JAKMIP2: variants seen among roughly 807,000 people sequenced by gnomAD.
The protein encoded by JAKMIP2 is janus kinase and microtubule interacting protein 2, also known as janus kinase and microtubule-interacting protein 2.
A neutral mutation model predicts 115.0 loss-of-function variants in JAKMIP2; 25 were observed. The observed-to-expected ratio is 0.22, with a 90% CI of 0.16 to 0.30. The LOEUF (loss-of-function observed/expected upper bound fraction) is 0.30. JAKMIP2 is among the 10% of genes least tolerant of loss of function. The pLI is 1.00. For missense variants in JAKMIP2, 642 were observed against 957.6 expected, an observed-to-expected ratio of 0.67 and a Z score of 4.35; for synonymous variants, 334 against 343.6, an observed-to-expected ratio of 0.97 and a Z score of 0.31.
At chr5:147,755,261 G>A (rs759988890) in intron 1 of JAKMIP2, among the ~76,000 whole-genome samples, 1 of 152,122 alleles carries the variant, frequency 6.6e-6, no homozygotes, top group Non-Finnish European at 1.5e-5. Context: ...AGATTAGGAT[G>A]TCCCCCCTTT....
intron 3 of JAKMIP2, among the ~76,000 whole-genome samples, chr5:147,651,050 A>G (rs1188845001): frequency 2.0e-5 from 3 of 152,012 alleles, no homozygotes; most frequent in African/African-American, 7.2e-5. Context: ...TTTTTCCAAG[A>G]CTAACATGCT....
In JAKMIP2 at chr5:147,687,913, T is replaced by C. The variant is rs990994074; in HGVS notation, c.-148-15959A>G. Among the ~76,000 whole-genome samples, 6 of 152,192 alleles carry C rather than the reference T, an allele frequency of 3.9e-5. No homozygotes were observed. In the East Asian group the frequency reaches 9.6e-4, roughly 24 times the overall value. On this transcript the variant is annotated intron_variant, in intron 1 of 21. Transcript: ENST00000616793. ...AATGAAGACTTTTAAATTTGCCCAATGTCATGCAACTTGTATGCGTAGGAC... is the reference window on the plus strand; with the variant it reads ...AATGAAGACTTTTAAATTTGCCCAACGTCATGCAACTTGTATGCGTAGGAC...
At position 147,700,687 on chromosome 5, in the gene JAKMIP2, C is replaced by T. The variant is rs1219726260; in HGVS notation, c.-148-28733G>A. 6.6e-5 allele frequency among the ~76,000 whole-genome samples: 10 copies of T among 152,256 alleles called. No individual in the cohort carries two copies. In the East Asian group the frequency reaches 1.9e-3, roughly 29 times the overall value. On this transcript the variant is annotated intron_variant, in intron 1 of 21. Transcript: ENST00000616793. ...TCAGAACCAAGTCTAGATTCTCAGC[C>T]CCTAGCCATAGCCAGGAATTAGCAA...
intron 1 of JAKMIP2, among the ~76,000 whole-genome samples, chr5:147,755,553 C>T (rs573100741): frequency 7.9e-5 from 12 of 152,150 alleles, no homozygotes; most frequent in Admixed American, 7.9e-4. Context: ...TTAAAAATAA[C>T]GTTTAATTTG....
At chr5:147,611,406 C>A (rs983950719) in intron 20 of JAKMIP2, among the ~76,000 whole-genome samples, 1 of 152,130 alleles carries the variant, frequency 6.6e-6, no homozygotes. Context: ...CCTCATGGTG[C>A]AGTCCCTCAT....
rs532821164 is a variant in JAKMIP2 at position 147,695,677 on chromosome 5, T to TGTGTGTGTGA, written c.-148-23724_-148-23723insTCACACACAC. Among the ~76,000 whole-genome samples, 5 of 147,110 alleles carry TGTGTGTGTGA rather than the reference T, an allele frequency of 3.4e-5. No homozygotes were observed. The East Asian group carries it at 7.5e-4, about 22-fold the overall frequency. On this transcript the variant is annotated intron_variant, in intron 1 of 21. Coordinates refer to ENST00000616793, the MANE Select transcript of JAKMIP2 (RefSeq NM_001270941.2). ...GTGTGTGTGTGTGTGTGTGTGTGTG[T>TGTGTGTGTGA]GAGAGAGAGAGACAGAGACAGAGAC...
At position 147,590,574 on chromosome 5, in the gene JAKMIP2, T is replaced by C. The variant is rs1755059034; in HGVS notation, c.*1133A>G. ...AGGCATGTGAGGATTCTTTAAAAAA[T>C]AATAGTTTAGTTTAATATTCACATC... On this transcript the variant is annotated 3_prime_UTR_variant, in exon 22 of 22. Coordinates refer to ENST00000616793, the MANE Select transcript of JAKMIP2 (RefSeq NM_001270941.2). The C allele has an allele frequency of 6.6e-6, 1 of 152,178 alleles. No homozygotes were observed. Among genetic ancestry groups the C allele is most frequent in the Non-Finnish European group, 1.5e-5 (1 of 68,034 alleles). 9.4% of individuals were successfully genotyped at this position (152,178 alleles called of 1,614,324 possible).
At chr5:147,594,910 T>C (rs1755291849) in intron 21 of JAKMIP2, among the ~76,000 whole-genome samples, 1 of 152,168 alleles carries the variant, frequency 6.6e-6, no homozygotes, top group South Asian at 2.1e-4. Context: ...AATAATATTG[T>C]ATGAAATGTA....
chr5:147,742,155 A>ATATATATATATATATTTTTT, intron 1 of JAKMIP2, among the ~76,000 whole-genome samples: 14 of 108,906 alleles, frequency 1.3e-4, no homozygotes, highest in African/African-American at 4.9e-4. Context: ...ATATATATAT[A>ATATATATATATATATTTTTT]TTTTTTTTAC....
chr5:147,733,678 T>C (rs1435020604), intron 1 of JAKMIP2, among the ~76,000 whole-genome samples: 1 of 152,104 alleles, frequency 6.6e-6, no homozygotes, highest in African/African-American at 2.4e-5. Flanking sequence ...TGTGTTCTCA[T>C]TGTTGGACTC....
chr5:147,703,960 C>T (rs995358784), intron 1 of JAKMIP2, among the ~76,000 whole-genome samples: 2 of 151,990 alleles, frequency 1.3e-5, no homozygotes, highest in Non-Finnish European at 2.9e-5. Flanking sequence ...AAACACCAAC[C>T]GCACATTACC....
At position 147,715,487 on chromosome 5, in the gene JAKMIP2, T is replaced by C. The variant is rs565938181; in HGVS notation, c.-148-43533A>G. Among the ~76,000 whole-genome samples the C allele has an allele frequency of 8.6e-5, 13 of 151,166 alleles. No individual in the cohort carries two copies. The East Asian group carries it at 1.9e-3, about 22-fold the overall frequency. ...ATTACATATTCATGTTACTATATTA[T>C]ATATAACATAAAAACAAAATTTAAA... On this transcript the variant is annotated intron_variant, in intron 1 of 21. Coordinates refer to ENST00000616793, the MANE Select transcript of JAKMIP2 (RefSeq NM_001270941.2).
intron 1 of JAKMIP2, among the ~76,000 whole-genome samples, chr5:147,758,478 A>G (rs781308574): frequency 6.6e-6 from 1 of 152,212 alleles, no homozygotes; most frequent in Non-Finnish European, 1.5e-5. Context: ...TTAATGAGTT[A>G]ACTATGACCT....
At chr5:147,677,739 A>G (rs1027881417) in intron 1 of JAKMIP2, among the ~76,000 whole-genome samples, 14 of 152,208 alleles carry the variant, frequency 9.2e-5, no homozygotes, top group Admixed American at 3.9e-4. Flanking sequence ...ATGGTGTACA[A>G]TATGATGTTT....
chr5:147,653,218 T>C (rs1758496362), intron 3 of JAKMIP2, among the ~76,000 whole-genome samples: 1 of 152,228 alleles, frequency 6.6e-6, no homozygotes, highest in Non-Finnish European at 1.5e-5. Flanking sequence ...CCTTTGGATG[T>C]ATAACCAGTA....
chr5:147,699,390 G>A (rs531854708), intron 1 of JAKMIP2, among the ~76,000 whole-genome samples: 1 of 152,194 alleles, frequency 6.6e-6, no homozygotes, highest in East Asian at 1.9e-4. Context: ...GAGAATTCCA[G>A]GGCAAGAAAA....
At chr5:147,775,567 T>C (rs1489764341) in intron 1 of JAKMIP2, among the ~76,000 whole-genome samples, 1 of 152,236 alleles carries the variant, frequency 6.6e-6, no homozygotes, top group African/African-American at 2.4e-5. Context: ...TTGTAGCATG[T>C]AGTGAGCAGT....
At chr5:147,636,149 G>C in intron 12 of JAKMIP2, 73 bp downstream of exon 12, 1 of 1,298,288 alleles carries the variant, frequency 7.7e-7, no homozygotes, top group Non-Finnish European at 1.1e-6. Context: ...CCACTCCTGA[G>C]AGCACCCCCT....
chr5:147,713,313 C>A (rs531862653), intron 1 of JAKMIP2, among the ~76,000 whole-genome samples: 1 of 151,958 alleles, frequency 6.6e-6, no homozygotes, highest in Non-Finnish European at 1.5e-5. Flanking sequence ...CATTTTTTTA[C>A]GTGAGACATT....
Sources: gnomAD v4.1 joint callset for allele counts (sites outside exome capture counted in the v4.1 genomes callset) on GRCh38, gnomAD v4.1.1 for gene constraint, MANE v1.5 for transcripts, NCBI Gene and HGNC (gene_info 2026-07-23, HGNC 2026-07-21) for gene names.